FXN: variants seen among roughly 807,000 people sequenced by gnomAD.
FXN encodes frataxin, also known as frataxin, mitochondrial.
A neutral mutation model predicts 22.4 loss-of-function variants in FXN; 14 were observed. That is an observed-to-expected ratio of 0.62 (90% CI 0.41 to 0.98). The LOEUF is 0.98. Ranked by LOEUF, FXN falls within the 50% of genes least tolerant of loss-of-function variation. The pLI, the probability that FXN is intolerant of heterozygous loss-of-function variation, is 0.00. For missense variants in FXN, 267 were observed against 268.4 expected, an observed-to-expected ratio of 0.99 and a Z score of 0.04; for synonymous variants, 120 against 114.1, an observed-to-expected ratio of 1.05 and a Z score of -0.33.
At chr9:69,039,158 C>T (rs977336003) in intron 1 of FXN, among the ~76,000 whole-genome samples, 1 of 151,408 alleles carries the variant, frequency 6.6e-6, no homozygotes, top group Admixed American at 6.6e-5. Flanking sequence ...GAGGCTGAGG[C>T]AGGATAATTG....
Position 69,073,095 on chromosome 9 carries a change from G to A in FXN, c.*333G>A, listed in dbSNP as rs961469436. 2.6e-6 allele frequency: 3 copies of A among 1,176,094 alleles called. No individual in the cohort carries two copies. The African/African-American group carries it at 4.7e-5, about 19-fold the overall frequency. The allele number at this position is 1,176,094 out of a possible 1,614,324, so 72.9% of individuals were successfully genotyped here. ...ATAATAAGAAGGAAAAATTCCAGGA[G>A]GGAAAATGAATTGTCTTCACTCTTC... On this transcript the variant is annotated 3_prime_UTR_variant, in exon 5 of 5. Transcript: ENST00000484259.
At chr9:69,058,664 C>T (rs535404223) in intron 3 of FXN, among the ~76,000 whole-genome samples, 4 of 151,786 alleles carry the variant, frequency 2.6e-5, no homozygotes, top group African/African-American at 7.2e-5. Flanking sequence ...ATTCATAAAT[C>T]GGGAAGGCTG....
chr9:69,050,131 CTG>C (rs1831824063), intron 2 of FXN, among the ~76,000 whole-genome samples: 1 of 152,174 alleles, frequency 6.6e-6, no homozygotes, highest in African/African-American at 2.4e-5. Context: ...TTTATATAAA[CTG>C]TCTCATTAAG....
chr9:69,058,839 C>T (rs910951086), intron 3 of FXN, among the ~76,000 whole-genome samples: 3 of 152,028 alleles, frequency 2.0e-5, no homozygotes, highest in African/African-American at 4.8e-5. Context: ...GAGGCCGAGG[C>T]GGGCAGATCA....
rs765428828 is a variant in FXN, at chr9:69,075,797, C to T, written c.*3035C>T. ...TCAGGCTGGAGGACAGTGGTACAAT[C>T]AAAGCTCATGGCAGCCTCGACCTCC... On this transcript the variant is annotated 3_prime_UTR_variant, in exon 5 of 5. Transcript: ENST00000484259. 57 of 835,612 alleles carry T rather than the reference C, an allele frequency of 6.8e-5. No homozygotes were observed. The highest frequency in any genetic ancestry group is 8.1e-5 in the Non-Finnish European group (56 of 693,836). The allele number at this position is 835,612 out of a possible 1,614,324, so 51.8% of individuals were successfully genotyped here.
rs1358977849 is a variant in FXN at position 69,075,018 on chromosome 9, C to G, written c.*2256C>G. On this transcript the variant is annotated 3_prime_UTR_variant, in exon 5 of 5. Transcript: ENST00000484259. ...AAAAGAGGTATGCAGTGGGGCTGCT[C>G]TGACATGAAAGTGGAAGTTAAGGAA... The G allele has an allele frequency of 4.1e-6, 4 of 985,302 alleles. No individual in the cohort carries two copies. Among genetic ancestry groups the G allele is most frequent in the South Asian group, 9.4e-5 (2 of 21,282 alleles). 61.0% of individuals were successfully genotyped at this position (985,302 alleles called of 1,614,324 possible).
At chr9:69,049,532 A>G (rs1831815960) in intron 2 of FXN, among the ~76,000 whole-genome samples, 1 of 152,150 alleles carries the variant, frequency 6.6e-6, no homozygotes, top group African/African-American at 2.4e-5. Flanking sequence ...CCCCCTGGAA[A>G]CTTTCAGATA....
chr9:69,038,294 C>A (rs1189275663), intron 1 of FXN, among the ~76,000 whole-genome samples: 1 of 152,114 alleles, frequency 6.6e-6, no homozygotes, highest in African/African-American at 2.4e-5. Flanking sequence ...ACCCTAAGCT[C>A]CCCCTGGTCT....
At chr9:69,054,123 C>T (rs1831911434) in intron 3 of FXN, among the ~76,000 whole-genome samples, 1 of 152,106 alleles carries the variant, frequency 6.6e-6, no homozygotes, top group Non-Finnish European at 1.5e-5. Context: ...GCCTCAGCCT[C>T]CCGAGTAGCT....
intron 2 of FXN, among the ~76,000 whole-genome samples, chr9:69,049,144 C>T (rs1163675055): frequency 6.6e-6 from 1 of 152,170 alleles, no homozygotes. Context: ...AGGAAGACAG[C>T]CCGCTTCTGC....
intron 4 of FXN, among the ~76,000 whole-genome samples, chr9:69,069,756 C>T (rs746409929): frequency 3.3e-5 from 5 of 152,228 alleles, no homozygotes; most frequent in African/African-American, 7.2e-5. Context: ...GCACCAAAAA[C>T]GTGATGAGGC....
chr9:69,066,114 TGAAGTGGTTGTA>T (rs1437176126), intron 4 of FXN, among the ~76,000 whole-genome samples: 1 of 152,158 alleles, frequency 6.6e-6, no homozygotes, highest in Non-Finnish European at 1.5e-5. Flanking sequence ...TGGCTGCTGT[TGAAGTGGTTGTA>T]AGAAAGTAAA....
At position 69,073,898 on chromosome 9, in the gene FXN, C is replaced by T; in HGVS notation, c.*1136C>T. 2 of 985,150 alleles carry T rather than the reference C, an allele frequency of 2.0e-6. No individual in the cohort carries two copies. The highest frequency in any genetic ancestry group is 2.4e-6 in the Non-Finnish European group (2 of 829,734). The allele number at this position is 985,150 out of a possible 1,614,324, so 61.0% of individuals were successfully genotyped here. A position where few individuals can be genotyped will look rare whatever the true frequency, so the allele number is the denominator to read the frequency against. ...GAATTCATGTGAAAATAATAGCCAT[C>T]CTTGGCCTGGCGCGGTGGCTCACAC... On this transcript the variant is annotated 3_prime_UTR_variant, in exon 5 of 5. Transcript: ENST00000484259.
intron 1 of FXN, 71 bp downstream of exon 1, chr9:69,036,018 G>C: frequency 8.2e-7 from 1 of 1,214,772 alleles, no homozygotes; most frequent in Non-Finnish European, 1.0e-6. Flanking sequence ...TGCGCAGGGA[G>C]GCGCCGCGCA....
intron 2 of FXN, among the ~76,000 whole-genome samples, chr9:69,048,184 T>C (rs1454344468): frequency 1.3e-5 from 2 of 152,220 alleles, no homozygotes; most frequent in South Asian, 2.1e-4. Flanking sequence ...TGTCTCAGCC[T>C]AAGGGCAGGT....
At chr9:69,040,602 A>G (rs7026473) in intron 1 of FXN, among the ~76,000 whole-genome samples, 49,604 of 152,004 alleles carry the variant, frequency 0.33, 8,404 homozygotes, top group East Asian at 0.49. Context: ...CGGGAGGCAG[A>G]GCTTGCAGTG....
At chr9:69,041,278 A>G (rs1175187435) in intron 1 of FXN, among the ~76,000 whole-genome samples, 3 of 152,164 alleles carry the variant, frequency 2.0e-5, no homozygotes, top group Non-Finnish European at 4.4e-5. Context: ...CTGTTCTGCT[A>G]TGGCTTGCCC....
intron 1 of FXN, among the ~76,000 whole-genome samples, chr9:69,039,476 C>T (rs1458712051): frequency 2.6e-5 from 4 of 151,230 alleles, no homozygotes; most frequent in African/African-American, 7.3e-5. Context: ...TCCACAGAAA[C>T]GGCTTTTAAA....
At position 69,073,075 on chromosome 9, in the gene FXN, A is replaced by T; in HGVS notation, c.*313A>T. 1 of 1,203,618 alleles carries T rather than the reference A, an allele frequency of 8.3e-7. No individual in the cohort carries two copies. Among genetic ancestry groups the T allele is most frequent in the South Asian group, 2.1e-5 (1 of 46,838 alleles). 74.6% of individuals were successfully genotyped at this position (1,203,618 alleles called of 1,614,324 possible). On this transcript the variant is annotated 3_prime_UTR_variant, in exon 5 of 5. Coordinates refer to ENST00000484259, the MANE Select transcript of FXN (RefSeq NM_000144.5). ...ACAACCTTTAAAAAAGCAAAATAAT[A>T]AGAAGGAAAAATTCCAGGAGGGAAA... is the stretch of plus-strand genomic sequence containing the variant.
Sources: gnomAD v4.1 joint callset for allele counts (sites outside exome capture counted in the v4.1 genomes callset) on GRCh38, gnomAD v4.1.1 for gene constraint, MANE v1.5 for transcripts, NCBI Gene and HGNC (gene_info 2026-07-23, HGNC 2026-07-21) for gene names.